Variants in SDK1 observed in about 807,000 individuals in gnomAD.
SDK1 encodes the protein sidekick cell adhesion molecule 1.
In SDK1, 157 loss-of-function variants were observed where a neutral mutation model predicts 245.5. That is an observed-to-expected ratio of 0.64 (90% CI 0.56 to 0.73). The LOEUF (loss-of-function observed/expected upper bound fraction) is 0.73. SDK1 is among the 30% of genes least tolerant of loss of function. The pLI, the probability that SDK1 is intolerant of heterozygous loss-of-function variation, is 0.00. For synonymous variants in SDK1, 1,647 were observed against 1,278.5 expected (o/e 1.29, Z -6.15); for missense variants, 3,583 against 3,002.3 (o/e 1.19, Z -4.52).
At chr7:3,985,948 G>A (rs1263168617) in intron 13 of SDK1, among the ~76,000 whole-genome samples, 1 of 152,106 alleles carries the variant, frequency 6.6e-6, no homozygotes, top group Admixed American at 6.6e-5. Context: ...ATGTCTGAGA[G>A]ACCAAAAGCT....
intron 14 of SDK1, among the ~76,000 whole-genome samples, chr7:4,002,859 G>A (rs1301715021): frequency 1.3e-5 from 2 of 152,304 alleles, no homozygotes; most frequent in Non-Finnish European, 2.9e-5. Context: ...GCTGGGACCC[G>A]GGGAGGGCCC....
chr7:4,246,782 C>G (rs1020853132), intron 44 of SDK1, among the ~76,000 whole-genome samples: 5 of 152,272 alleles, frequency 3.3e-5, no homozygotes, highest in African/African-American at 9.6e-5. Context: ...TCCACGCGCT[C>G]CCTCCAGGAC....
At chr7:3,825,816 A>G (rs1303309837) in intron 5 of SDK1, among the ~76,000 whole-genome samples, 1 of 152,180 alleles carries the variant, frequency 6.6e-6, no homozygotes, top group Non-Finnish European at 1.5e-5. Context: ...CGTTAACATT[A>G]AAGGGAGAGA....
At chr7:3,493,399 A>G (rs574699736) in intron 1 of SDK1, among the ~76,000 whole-genome samples, 1 of 152,308 alleles carries the variant, frequency 6.6e-6, no homozygotes, top group East Asian at 1.9e-4. Flanking sequence ...TACTGTATTC[A>G]TCAGATTTTA....
chr7:4,120,648 A>G (rs535457136), intron 25 of SDK1, among the ~76,000 whole-genome samples: 3 of 126,064 alleles, frequency 2.4e-5, no homozygotes, highest in South Asian at 5.5e-4. Flanking sequence ...GTGGAGTCTC[A>G]CTCTGTCACC....
At chr7:3,442,729 T>C (rs570409115) in intron 1 of SDK1, among the ~76,000 whole-genome samples, 42 of 152,350 alleles carry the variant, frequency 2.8e-4, no homozygotes, top group African/African-American at 1.0e-3. Flanking sequence ...TGATATGTTT[T>C]GTTTTTAGCA....
At chr7:3,866,903 A>T (rs1412535343) in intron 5 of SDK1, among the ~76,000 whole-genome samples, 1 of 152,116 alleles carries the variant, frequency 6.6e-6, no homozygotes, top group Non-Finnish European at 1.5e-5. Context: ...TGCCGAGAGA[A>T]CACGTGGCCT....
In SDK1 at chr7:3,484,947, G is replaced by C. The variant is rs1270480526; in HGVS notation, c.299-134133G>C. Among the ~76,000 whole-genome samples the C allele has an allele frequency of 3.3e-5, 5 of 152,148 alleles. No homozygotes were observed. The East Asian group carries it at 9.6e-4, about 29-fold the overall frequency. On this transcript the variant is annotated intron_variant, in intron 1 of 44. Coordinates refer to ENST00000404826, the MANE Select transcript of SDK1 (RefSeq NM_152744.4). ...TTCCATATCTTGGCTATTGTGAATG[G>C]AGCTGTAGTAAACGTGGGACTGCAG...
At chr7:3,915,044 C>T (rs1214563682) in intron 5 of SDK1, among the ~76,000 whole-genome samples, 1 of 152,166 alleles carries the variant, frequency 6.6e-6, no homozygotes. Context: ...CCGGAAATCC[C>T]ACAACTGTTG....
At chr7:4,078,376 G>T (rs1476840189) in intron 21 of SDK1, among the ~76,000 whole-genome samples, 1 of 152,112 alleles carries the variant, frequency 6.6e-6, no homozygotes, top group South Asian at 2.1e-4. Context: ...TGAGAAATAG[G>T]AAAGAGTCCA....
intron 1 of SDK1, among the ~76,000 whole-genome samples, chr7:3,437,021 T>A (rs543682295): frequency 6.6e-6 from 1 of 152,346 alleles, no homozygotes; most frequent in South Asian, 2.1e-4. Flanking sequence ...GGGCAGCGGC[T>A]GCTCCTCTAT....
intron 1 of SDK1, among the ~76,000 whole-genome samples, chr7:3,309,185 T>C (rs1342759050): frequency 2.0e-5 from 3 of 152,100 alleles, no homozygotes; most frequent in South Asian, 2.1e-4. Context: ...GTTTTCAAAG[T>C]GAAGGTCAGT....
Position 3,971,581 on chromosome 7 carries a change from A to G in SDK1, c.1817+13A>G. 1 of 1,579,740 alleles carries G rather than the reference A, an allele frequency of 6.3e-7. No homozygotes were observed. Among genetic ancestry groups the G allele is most frequent in the Non-Finnish European group, 8.7e-7 (1 of 1,151,668 alleles). On this transcript the variant is annotated intron_variant, in intron 12 of 44. Transcript: ENST00000404826. ...GGGTTTCACTCCGGTCAGCACAATC[A>G]GTTACAATGCTTTGGGGCTTGTTGA...
intron 17 of SDK1, among the ~76,000 whole-genome samples, chr7:4,042,007 T>A (rs1401680654): frequency 7.4e-6 from 1 of 134,304 alleles, no homozygotes; most frequent in African/African-American, 3.5e-5. Context: ...AGAGGTGGGG[T>A]TTCATCATGT....
intron 1 of SDK1, among the ~76,000 whole-genome samples, chr7:3,523,263 A>G (rs1783004670): frequency 6.6e-6 from 1 of 152,172 alleles, no homozygotes; most frequent in African/African-American, 2.4e-5. Context: ...CTCTTTCTCA[A>G]TTAACAGTTA....
At chr7:3,748,021 T>G (rs1779673887) in intron 4 of SDK1, among the ~76,000 whole-genome samples, 1 of 152,168 alleles carries the variant, frequency 6.6e-6, no homozygotes, top group Non-Finnish European at 1.5e-5. Flanking sequence ...TAGTATATAT[T>G]TGATTATACT....
chr7:3,895,577 C>T (rs1049916833), intron 5 of SDK1, among the ~76,000 whole-genome samples: 1 of 152,222 alleles, frequency 6.6e-6, no homozygotes. Context: ...AGACAAGAAG[C>T]AACTCACGGA....
intron 8 of SDK1, among the ~76,000 whole-genome samples, chr7:3,961,609 C>T (rs536433939): frequency 6.6e-6 from 1 of 152,178 alleles, no homozygotes; most frequent in East Asian, 1.9e-4. Flanking sequence ...TGGAATACCT[C>T]TTGTGCCTCC....
chr7:3,661,459 AC>A (rs1196168647), intron 4 of SDK1, among the ~76,000 whole-genome samples: 1 of 152,074 alleles, frequency 6.6e-6, no homozygotes, highest in Non-Finnish European at 1.5e-5. Context: ...GTTGTGTAGT[AC>A]CCCGCCTTCA....
Sources: allele counts gnomAD v4.1 joint callset (sites outside exome capture counted in the v4.1 genomes callset), GRCh38; gene constraint gnomAD v4.1.1; transcripts MANE v1.5; gene names NCBI Gene and HGNC (gene_info 2026-07-23, HGNC 2026-07-21).